The following SERPINA5 variants were observed in gnomAD, a reference collection of about 807,000 sequenced individuals.
The protein encoded by SERPINA5 is plasma serine protease inhibitor.
In SERPINA5, 25 loss-of-function variants were observed where a neutral mutation model predicts 25.3. The ratio of observed to expected loss-of-function variants is 0.99; its 90% confidence interval spans 0.72 to 1.38. The LOEUF is 1.38. Ranked by LOEUF, SERPINA5 falls within the 40% of genes most tolerant of loss-of-function variation. SERPINA5 has a pLI of 0.00. For synonymous variants in SERPINA5, 234 were observed against 206.2 expected (o/e 1.14, Z -1.16); for missense variants, 599 against 509.5 (o/e 1.18, Z -1.69).
At chr14:94,584,961 G>A (rs1885026986) in intron 2 of SERPINA5, among the ~76,000 whole-genome samples, 2 of 152,204 alleles carry the variant, frequency 1.3e-5, no homozygotes, top group South Asian at 2.1e-4. Context: ...GGAACAGGTA[G>A]GGAGTGTCAG....
chr14:94,586,008 C>T (rs1885070923), intron 2 of SERPINA5, among the ~76,000 whole-genome samples: 2 of 152,138 alleles, frequency 1.3e-5, no homozygotes, highest in South Asian at 4.1e-4. Flanking sequence ...ACTACAAGGA[C>T]ACAGCAGGGC....
At chr14:94,590,463 T>G in intron 4 of SERPINA5, 152 bp downstream of exon 4, 1 of 1,047,544 alleles carries the variant, frequency 9.5e-7, no homozygotes. Context: ...ATCCAAGTCC[T>G]GGGGGCCTAG....
At position 94,590,699 on chromosome 14, in the gene SERPINA5, G is replaced by C. The variant is rs376391427; in HGVS notation, c.891-50G>C. The C allele has an allele frequency of 2.0e-5, 32 of 1,577,094 alleles. No homozygotes were observed. In the South Asian group the frequency reaches 3.4e-4, roughly 17 times the overall value. On this transcript the variant is annotated intron_variant, in intron 4 of 5. Coordinates refer to ENST00000329597, the MANE Select transcript of SERPINA5 (RefSeq NM_000624.6). ...TTATGAATCCAAGGGGTGAGGCTCA[G>C]TGTGCCAATGCCCCAGAACAGTCTA...
At chr14:94,584,785 G>A (rs934608518) in intron 2 of SERPINA5, among the ~76,000 whole-genome samples, 2 of 152,218 alleles carry the variant, frequency 1.3e-5, no homozygotes, top group East Asian at 3.9e-4. Flanking sequence ...GTGACCCTGT[G>A]GGGGGTTGAG....
intron 4 of SERPINA5, chr14:94,590,525 A>G (rs1272356366): frequency 1.3e-6 from 1 of 793,686 alleles, no homozygotes; most frequent in African/African-American, 1.7e-5. Flanking sequence ...GTGGTGCCAG[A>G]GTGGGCAGAG....
Position 94,590,853 on chromosome 14 carries a change from A to C in SERPINA5, c.995A>C (p.Asp332Ala), listed in dbSNP as rs1258459240. 1 of 1,613,962 alleles carries C rather than the reference A, an allele frequency of 6.2e-7. No homozygotes were observed. Among genetic ancestry groups the C allele is most frequent in the South Asian group, 1.1e-5 (1 of 91,046 alleles). ...GISNVFTSHA[D>A]LSGISNHSNI... ...AGTAACGTCTTCACCTCCCATGCTG[A>C]TCTGTCCGGCATCAGCAACCACTCA... Residue 332 changes from aspartate (D) to alanine (A), a missense_variant, in exon 5 of 6, where the codon GAT becomes GCT. Transcript: ENST00000329597.
Position 94,587,777 on chromosome 14 carries a change from G to A in SERPINA5, c.415G>A (p.Val139Ile). ...LGNALFTDLV[V>I]DLQDTFVSAM... ...CAATGCCCTTTTCACCGACCTGGTG[G>A]TAGACCTGCAGGACACCTTCGTAAG... The change falls in exon 3 of 6, where the codon GTA (valine) becomes ATA (isoleucine). Residue 139 changes from valine to isoleucine, a missense_variant. Transcript: ENST00000329597. 6.2e-7 allele frequency: 1 copy of A among 1,614,204 alleles called. No homozygotes were observed. Among genetic ancestry groups the A allele is most frequent in the Non-Finnish European group, 8.5e-7 (1 of 1,180,052 alleles).
chr14:94,584,209 C>T (rs1885004276), intron 2 of SERPINA5, among the ~76,000 whole-genome samples: 1 of 152,168 alleles, frequency 6.6e-6, no homozygotes, highest in African/African-American at 2.4e-5. Flanking sequence ...GGTTCCATCA[C>T]TCAGTAGCTG....
chr14:94,592,300 G>A lies in SERPINA5; in HGVS notation c.*61G>A. On this transcript the variant is annotated 3_prime_UTR_variant, in exon 6 of 6. Coordinates refer to ENST00000329597, the MANE Select transcript of SERPINA5 (RefSeq NM_000624.6). ...TGGGAGATGAAGGGGGCTAAGCTAT[G>A]GCCCATCTGTATGCTGGTAGCTAGT... 1.4e-6 allele frequency: 2 copies of A among 1,458,812 alleles called. No individual in the cohort carries two copies. Among genetic ancestry groups the A allele is most frequent in the East Asian group, 2.3e-5 (1 of 43,858 alleles). 90.4% of individuals were successfully genotyped at this position (1,458,812 alleles called of 1,614,324 possible).
chr14:94,590,651 A>T lies in SERPINA5; in HGVS notation c.891-98A>T, dbSNP rs1246364621. On this transcript the variant is annotated intron_variant, in intron 4 of 5. Transcript: ENST00000329597. ...GGTTAAGGAGTCCTTTTTTAAAACC[A>T]TCAAAACTAAGAATCCAGTGCATTA... 2.9e-6 allele frequency: 4 copies of T among 1,387,822 alleles called. No homozygotes were observed. The East Asian group carries it at 9.3e-5, about 32-fold the overall frequency. 86.0% of individuals were successfully genotyped at this position (1,387,822 alleles called of 1,614,324 possible).
At chr14:94,586,313 G>A (rs1885082507) in intron 2 of SERPINA5, among the ~76,000 whole-genome samples, 1 of 152,142 alleles carries the variant, frequency 6.6e-6, no homozygotes, top group Non-Finnish European at 1.5e-5. Flanking sequence ...CAGGGGCTAG[G>A]GGGCTTCAAC....
At chr14:94,583,611 T>G (rs935631646) in intron 2 of SERPINA5, among the ~76,000 whole-genome samples, 9 of 152,236 alleles carry the variant, frequency 5.9e-5, no homozygotes, top group Admixed American at 2.6e-4. Flanking sequence ...AGGACTTCAC[T>G]GCCCAACACG....
chr14:94,584,006 AC>A (rs1468967646), intron 2 of SERPINA5, among the ~76,000 whole-genome samples: 2 of 152,162 alleles, frequency 1.3e-5, no homozygotes, highest in Non-Finnish European at 2.9e-5. Context: ...GACCTCTCTG[AC>A]CCTCTGTTTC....
At position 94,587,426 on chromosome 14, in the gene SERPINA5, C is replaced by T; in HGVS notation, c.64C>T (p.His22Tyr). The stretch of plus-strand genomic sequence containing the variant: ...CCCTCAGGGGGCCTCCCTTCACCGC[C>T]ACCACCCCCGGGAGATGAAGAAGAG... Reference protein sequence around the residue: ...LSPQGASLHRHHPREMKKRVE... With the variant: ...LSPQGASLHRYHPREMKKRVE... The change falls in exon 3 of 6, where the codon CAC becomes TAC. Residue 22 changes from histidine to tyrosine, a missense_variant. Physicochemically the swap from His to Tyr is moderately conservative, Grantham distance 83 (BLOSUM62 2). Coordinates refer to ENST00000329597, the MANE Select transcript of SERPINA5 (RefSeq NM_000624.6). 6.2e-7 allele frequency: 1 copy of T among 1,614,106 alleles called. No homozygotes were observed. The highest frequency in any genetic ancestry group is 8.5e-7 in the Non-Finnish European group (1 of 1,179,994).
In SERPINA5 at chr14:94,590,223, A is replaced by G; in HGVS notation, c.802A>G (p.Ile268Val). The G allele has an allele frequency of 6.2e-7, 1 of 1,614,016 alleles. No individual in the cohort carries two copies. Among genetic ancestry groups the G allele is most frequent in the Middle Eastern group, 1.6e-4 (1 of 6,062 alleles). ...PYQGNATALFILPSEGKMQQV... is the reference protein window; with the variant it reads ...PYQGNATALFVLPSEGKMQQV... ...CCAAGGCAATGCCACGGCTTTGTTC[A>G]TTCTCCCCAGTGAGGGAAAGATGCA... The change falls in exon 4 of 6, where the codon ATT becomes GTT. Residue 268 changes from isoleucine to valine, a missense_variant. Transcript: ENST00000329597.
rs1595083463 is a variant in SERPINA5 at position 94,592,403 on chromosome 14, T to G, written c.*164T>G. 1.5e-6 allele frequency: 1 copy of G among 665,790 alleles called. No homozygotes were observed. Among genetic ancestry groups the G allele is most frequent in the East Asian group, 2.7e-5 (1 of 37,450 alleles). The allele number at this position is 665,790 out of a possible 1,614,324, so 41.2% of individuals were successfully genotyped here. On this transcript the variant is annotated 3_prime_UTR_variant, in exon 6 of 6. Coordinates refer to ENST00000329597, the MANE Select transcript of SERPINA5 (RefSeq NM_000624.6). ...TGATGATTGCTTCCACCCACACGAC[T>G]GCAACATACAGGTGCCTTGGGGAAA...
At chr14:94,591,730 C>A (rs930357569) in intron 5 of SERPINA5, among the ~76,000 whole-genome samples, 9 of 152,102 alleles carry the variant, frequency 5.9e-5, no homozygotes, top group African/African-American at 2.2e-4. Flanking sequence ...CTGTTTTAAA[C>A]AATCAAAACT....
intron 4 of SERPINA5, 164 bp downstream of exon 4, chr14:94,590,475 C>T: frequency 1.0e-6 from 1 of 971,450 alleles, no homozygotes; most frequent in Non-Finnish European, 1.5e-6. Flanking sequence ...GGGGCCTAGC[C>T]CAGTTGGAGG....
chr14:94,586,028 A>T (rs1342820515), intron 2 of SERPINA5, among the ~76,000 whole-genome samples: 1 of 152,136 alleles, frequency 6.6e-6, no homozygotes, highest in Non-Finnish European at 1.5e-5. Context: ...CTGAGATTTG[A>T]ACCCAGGCAG....
Sources: allele counts gnomAD v4.1 joint callset (sites outside exome capture counted in the v4.1 genomes callset), GRCh38; gene constraint gnomAD v4.1.1; transcripts MANE v1.5; gene names NCBI Gene and HGNC (gene_info 2026-07-23, HGNC 2026-07-21).